ITGAL: variants seen among roughly 807,000 people sequenced by gnomAD.
ITGAL encodes integrin subunit alpha L, also known as integrin alpha-L.
Under a neutral mutation model 138.4 loss-of-function variants are expected in ITGAL, and 68 were observed. The observed-to-expected ratio is 0.49, with a 90% CI of 0.40 to 0.60. ITGAL has a LOEUF of 0.60. Ranked by LOEUF, ITGAL falls within the 20% of genes least tolerant of loss-of-function variation. The pLI is 0.00. For missense variants in ITGAL, 1,256 were observed against 1,478.6 expected (o/e 0.85, Z 2.47); for synonymous variants, 561 against 584.3 (o/e 0.96, Z 0.57).
chr16:30,521,480 G>C lies in ITGAL; in HGVS notation c.3340-12G>C, dbSNP rs897461730. The C allele has an allele frequency of 6.2e-7, 1 of 1,610,504 alleles. No individual in the cohort carries two copies. Among genetic ancestry groups the C allele is most frequent in the Non-Finnish European group, 8.5e-7 (1 of 1,178,122 alleles). ...TGAATTCTTTGCTCGTTCAAATTTT[G>C]TCTTTGTACAGGTTGGTTTCTTCAA... On this transcript the variant is annotated splice_polypyrimidine_tract_variant and intron_variant, in intron 30 of 30. Transcript: ENST00000356798.
chr16:30,476,853 C>G (rs564268077), intron 4 of ITGAL, among the ~76,000 whole-genome samples: 1 of 152,216 alleles, frequency 6.6e-6, no homozygotes, highest in East Asian at 1.9e-4. Context: ...AGGCTGGTCT[C>G]GTACTCCTGA....
chr16:30,481,018 G>A (rs916579112), intron 6 of ITGAL: 1 of 184,068 alleles, frequency 5.4e-6, no homozygotes, highest in Non-Finnish European at 1.1e-5. Flanking sequence ...AGTAGAGTTT[G>A]GGGCTGGGCA....
chr16:30,489,827 T>A (rs1246266792), intron 11 of ITGAL, among the ~76,000 whole-genome samples: 1 of 151,976 alleles, frequency 6.6e-6, no homozygotes, highest in Non-Finnish European at 1.5e-5. Context: ...TCCCAGCTCT[T>A]CTGGAGGCTG....
intron 9 of ITGAL, among the ~76,000 whole-genome samples, chr16:30,487,142 C>CAAAA (rs1165678423): frequency 2.3e-5 from 1 of 42,944 alleles, no homozygotes; most frequent in African/African-American, 9.1e-5. Flanking sequence ...GACTCCGTCT[C>CAAAA]AAAAAAAAAA....
chr16:30,509,471 A>T (rs2151170208), intron 21 of ITGAL: 1 of 152,244 alleles, frequency 6.6e-6, no homozygotes, highest in African/African-American at 2.4e-5. Flanking sequence ...ACTTCACGAT[A>T]GTCTCTTCTT....
intron 17 of ITGAL, among the ~76,000 whole-genome samples, chr16:30,499,733 A>ATTTTTTTTTTT (rs1193634387): frequency 2.3e-5 from 2 of 88,382 alleles, no homozygotes; most frequent in African/African-American, 1.2e-4. Flanking sequence ...ATATATATAT[A>ATTTTTTTTTTT]TTTTTTTTTT....
At chr16:30,510,525 G>A (rs2051074398) in intron 22 of ITGAL, 54 bp downstream of exon 22, 1 of 1,015,588 alleles carries the variant, frequency 9.8e-7, no homozygotes, top group Non-Finnish European at 1.6e-6. Flanking sequence ...TGAGCTGGTG[G>A]AGGGCAGGGA....
chr16:30,492,540 C>T (rs1278638253), intron 11 of ITGAL, among the ~76,000 whole-genome samples: 1 of 151,666 alleles, frequency 6.6e-6, no homozygotes, highest in Non-Finnish European at 1.5e-5. Context: ...GCGTGTGCCA[C>T]CGCTCCCGGC....
chr16:30,506,671 C>T, intron 20 of ITGAL, 44 bp from the exon 21 acceptor site: 1 of 1,576,348 alleles, frequency 6.3e-7, no homozygotes, highest in East Asian at 2.3e-5. Context: ...ATATTCCCCA[C>T]CCTGATCCTC....
intron 13 of ITGAL, among the ~76,000 whole-genome samples, chr16:30,495,647 T>G (rs778573415): frequency 6.6e-6 from 1 of 152,014 alleles, no homozygotes; most frequent in Non-Finnish European, 1.5e-5. Flanking sequence ...CTGGGCAACA[T>G]GACAAGACCC....
intron 13 of ITGAL, among the ~76,000 whole-genome samples, chr16:30,495,300 C>T (rs2050784005): frequency 6.6e-6 from 1 of 152,166 alleles, no homozygotes; most frequent in Admixed American, 6.6e-5. Context: ...GTTCGGATTA[C>T]AGGTGCCTGC....
intron 26 of ITGAL, among the ~76,000 whole-genome samples, 154 bp from the exon 27 acceptor site, chr16:30,517,495 G>T (rs568718469): frequency 1.3e-5 from 2 of 152,190 alleles, no homozygotes; most frequent in East Asian, 3.9e-4. Flanking sequence ...AAGGCTGGGT[G>T]TATGGAGAGT....
intron 6 of ITGAL, among the ~76,000 whole-genome samples, 187 bp downstream of exon 6, chr16:30,479,648 C>CTTTTTT (rs59770529): frequency 6.7e-4 from 49 of 72,862 alleles, no homozygotes; most frequent in South Asian, 8.6e-4. Context: ...TTCTCATTTC[C>CTTTTTT]TTTTTTTTTT....
Position 30,521,548 on chromosome 16 carries a change from G to T in ITGAL, c.3396G>T (p.Pro1132=), listed in dbSNP as rs370738082. The T allele has an allele frequency of 1.9e-6, 3 of 1,614,182 alleles. No individual in the cohort carries two copies. The highest frequency in any genetic ancestry group is 2.5e-6 in the Non-Finnish European group (3 of 1,180,024). Residue 1132 remains proline (P), a synonymous_variant, in exon 31 of 31, where the codon CCG becomes CCT. Transcript: ENST00000356798. ...KEKMEAGRGV[P]NGIPAEDSEQ... ...AGATGGAGGCTGGCAGAGGTGTCCC[G>T]AATGGAATCCCTGCAGAAGACTCTG...
intron 29 of ITGAL, 41 bp from the exon 30 acceptor site, chr16:30,519,816 G>A (rs752100945): frequency 7.4e-7 from 1 of 1,360,386 alleles, no homozygotes; most frequent in South Asian, 1.2e-5. Flanking sequence ...TTTCAGGGGT[G>A]GAAAAGGCAT....
At chr16:30,517,458 TAACA>T (rs1448834000) in intron 26 of ITGAL, among the ~76,000 whole-genome samples, 187 bp from the exon 27 acceptor site, 1 of 151,372 alleles carries the variant, frequency 6.6e-6, no homozygotes, top group East Asian at 1.9e-4. Flanking sequence ...ACCCTGTCTC[TAACA>T]AAGAAAAAAA....
At chr16:30,474,565 C>A (rs1052246218) in intron 2 of ITGAL, 2 of 466,704 alleles carry the variant, frequency 4.3e-6, no homozygotes, top group African/African-American at 4.0e-5. Flanking sequence ...CAGTAGGTTC[C>A]TGACACTCCC....
intron 24 of ITGAL, 99 bp from the exon 25 acceptor site, chr16:30,513,672 C>A: frequency 1.2e-6 from 1 of 832,014 alleles, no homozygotes; most frequent in Non-Finnish European, 2.1e-6. Context: ...GAGATGGTAT[C>A]TGTGCCGTTC....
chr16:30,504,029 G>A (rs571711131), intron 17 of ITGAL, 146 bp from the exon 18 acceptor site: 2 of 651,564 alleles, frequency 3.1e-6, no homozygotes, highest in Non-Finnish European at 5.5e-6. Flanking sequence ...CTGCTATGTA[G>A]TCAATGGATT....
Sources: allele counts gnomAD v4.1 joint callset (sites outside exome capture counted in the v4.1 genomes callset), GRCh38; gene constraint gnomAD v4.1.1; transcripts MANE v1.5; gene names NCBI Gene and HGNC (gene_info 2026-07-23, HGNC 2026-07-21).